The following RBM23 variants were observed in gnomAD, a reference collection of about 807,000 sequenced individuals.
RBM23 encodes the protein probable RNA-binding protein 23.
In RBM23, 53 loss-of-function variants were observed where a neutral mutation model predicts 56.2. The ratio of observed to expected loss-of-function variants is 0.94; its 90% confidence interval spans 0.76 to 1.19. RBM23 has a LOEUF of 1.19. Among genes scored for constraint, RBM23 ranks in the 50% most tolerant of loss-of-function variants. RBM23 has a pLI of 0.00. For synonymous variants in RBM23, 197 were observed against 198.5 expected, an observed-to-expected ratio of 0.99 and a Z score of 0.06; for missense variants, 642 against 590.3, an observed-to-expected ratio of 1.09 and a Z score of -0.91.
chr14:22,919,047 G>A lies in RBM23; in HGVS notation c.-59C>T, dbSNP rs1338550335. The A allele has an allele frequency of 6.6e-6, 1 of 152,158 alleles. No individual in the cohort carries two copies. Among genetic ancestry groups the A allele is most frequent in the Non-Finnish European group, 1.5e-5 (1 of 68,052 alleles). The allele number at this position is 152,158 out of a possible 1,614,324, so 9.4% of individuals were successfully genotyped here. On this transcript the variant is annotated 5_prime_UTR_variant, in exon 1 of 14. Transcript: ENST00000359890. ...GTCCCGGTTCTCTCCGTTCCTTTGA[G>A]TATGTTGTGGGGAGTGGAGCTCGGA...
Position 22,910,151 on chromosome 14 carries a change from C to CAAAAAAAAAAAAAAAAAAAAAA in RBM23, c.67-578_67-557dup, listed in dbSNP as rs532892000. ...TGGGCAGCCTAGTGAGACTCTGTCT[C>CAAAAAAAAAAAAAAAAAAAAAA]AAAAAAAAAAAAAAAAAAAAAAAAA... On this transcript the variant is annotated intron_variant, in intron 2 of 13. Coordinates refer to ENST00000359890, the MANE Select transcript of RBM23 (RefSeq NM_001077351.2). 8.4e-4 allele frequency among the ~76,000 whole-genome samples: 14 copies of CAAAAAAAAAAAAAAAAAAAAAA among 16,704 alleles called. 2 individuals are homozygous for CAAAAAAAAAAAAAAAAAAAAAA. The East Asian group carries it at 0.013, about 16-fold the overall frequency. The allele number at this position is 16,704 out of a possible 152,430, so 11.0% of individuals were successfully genotyped here.
At chr14:22,906,445 C>A (rs1436901793) in intron 4 of RBM23, 77 bp from the exon 5 acceptor site, 1 of 1,527,676 alleles carries the variant, frequency 6.5e-7, no homozygotes, top group Non-Finnish European at 9.0e-7. Context: ...ACAGTGGTCC[C>A]ATAAGATTAT....
At chr14:22,901,789 G>C in intron 13 of RBM23, 25 bp downstream of exon 13, 4 of 1,614,070 alleles carry the variant, frequency 2.5e-6, no homozygotes, top group Non-Finnish European at 3.4e-6. Context: ...TCAAAGGCTA[G>C]AATGAGCTAG....
At chr14:22,904,377 C>A in intron 9 of RBM23, 51 bp from the exon 10 acceptor site, 51 of 1,342,902 alleles carry the variant, frequency 3.8e-5, no homozygotes, top group Non-Finnish European at 5.0e-5. Flanking sequence ...CCCACATCTT[C>A]AATCTTTCCT....
chr14:22,914,057 T>C (rs972123576), intron 1 of RBM23: 1 of 148,408 alleles, frequency 6.7e-6, no homozygotes, highest in African/African-American at 2.5e-5. Flanking sequence ...CTGGGCATGG[T>C]GGCTCACACC....
chr14:22,902,580 T>A, intron 10 of RBM23, 198 bp from the exon 11 acceptor site: 1 of 1,295,658 alleles, frequency 7.7e-7, no homozygotes, highest in Non-Finnish European at 9.8e-7. Flanking sequence ...ATGGACTCAA[T>A]GGCAGTCACT....
At chr14:22,902,630 A>T in intron 10 of RBM23, 1 of 1,217,778 alleles carries the variant, frequency 8.2e-7, no homozygotes, top group Non-Finnish European at 1.0e-6. Flanking sequence ...AACAATGCAA[A>T]ATTTTATTAT....
chr14:22,902,524 C>T (rs2040741045), intron 10 of RBM23, 142 bp from the exon 11 acceptor site: 1 of 1,401,782 alleles, frequency 7.1e-7, no homozygotes, highest in Non-Finnish European at 9.3e-7. Flanking sequence ...AAAATATGAC[C>T]TAGGCCCATC....
chr14:22,901,791 A>G (rs2040520103), intron 13 of RBM23, 23 bp downstream of exon 13: 3 of 1,614,010 alleles, frequency 1.9e-6, no homozygotes, highest in Admixed American at 1.7e-5. Context: ...AAAGGCTAGA[A>G]TGAGCTAGAC....
intron 1 of RBM23, among the ~76,000 whole-genome samples, chr14:22,914,891 G>A (rs1035415015): frequency 6.7e-6 from 1 of 148,962 alleles, no homozygotes; most frequent in Non-Finnish European, 1.5e-5. Flanking sequence ...GCTAAGACAG[G>A]AGAATCGCTT....
chr14:22,905,667 A>C lies in RBM23; in HGVS notation c.402-8T>G, dbSNP rs1268219953. On this transcript the variant is annotated splice_polypyrimidine_tract_variant and splice_region_variant and intron_variant, in intron 5 of 13. Coordinates refer to ENST00000359890, the MANE Select transcript of RBM23 (RefSeq NM_001077351.2). Reference sequence around the variant, plus strand: ...CTGTGTCCATACCTATAACTAAAGAATAGAGAAAAACAAAAGGTGAAACCT... The same window carrying C: ...CTGTGTCCATACCTATAACTAAAGACTAGAGAAAAACAAAAGGTGAAACCT... The C allele has an allele frequency of 2.5e-6, 4 of 1,598,102 alleles. No homozygotes were observed. Among genetic ancestry groups the C allele is most frequent in the Non-Finnish European group, 3.4e-6 (4 of 1,165,488 alleles).
intron 4 of RBM23, among the ~76,000 whole-genome samples, chr14:22,907,904 A>C (rs1250327800): frequency 6.6e-6 from 1 of 152,262 alleles, no homozygotes; most frequent in Admixed American, 6.5e-5. Flanking sequence ...ATGTTTAAAA[A>C]GTAAAAGACA....
At chr14:22,915,943 A>AG (rs1367900863) in intron 1 of RBM23, among the ~76,000 whole-genome samples, 33 of 152,230 alleles carry the variant, frequency 2.2e-4, no homozygotes, top group African/African-American at 8.0e-4. Context: ...GGCCAGGCAG[A>AG]GGGGGTGGCT....
At chr14:22,902,756 CTTTTTTTTTTT>C (rs59987550) in intron 10 of RBM23, 68 of 460,878 alleles carry the variant, frequency 1.5e-4, no homozygotes, top group Admixed American at 2.2e-4. Context: ...AAGTTTTAGT[CTTTTTTTTTTT>C]TTTTTTTTTT....
chr14:22,910,502 G>T (rs191599569), intron 2 of RBM23, among the ~76,000 whole-genome samples: 1,992 of 149,174 alleles, frequency 0.013, 28 homozygotes, highest in African/African-American at 0.046. Flanking sequence ...GCGGTGGGGG[G>T]GAAAGGAAGG....
intron 1 of RBM23, 51 bp downstream of exon 1, chr14:22,918,948 A>T (rs1174175609): frequency 6.6e-6 from 1 of 152,120 alleles, no homozygotes; most frequent in Non-Finnish European, 1.5e-5. Context: ...CCGTGCAGCA[A>T]CGTCACGCAT....
chr14:22,899,678 C>T lies in RBM23; in HGVS notation c.*2052G>A, dbSNP rs2145541. ...GGCGTGAGCCAGTGCACCCAGCCTACACCTCTTTTCTTTACAAATTAGTCT... is the reference window on the plus strand; with the variant it reads ...GGCGTGAGCCAGTGCACCCAGCCTATACCTCTTTTCTTTACAAATTAGTCT... On this transcript the variant is annotated 3_prime_UTR_variant, in exon 14 of 14. Coordinates refer to ENST00000359890, the MANE Select transcript of RBM23 (RefSeq NM_001077351.2). The T allele has an allele frequency of 0.32, 48,273 of 152,130 alleles. 8,619 individuals carry two copies. Among genetic ancestry groups the T allele is most frequent in the African/African-American group, 0.48 (20,014 of 41,446 alleles). 9.4% of individuals were successfully genotyped at this position (152,130 alleles called of 1,614,324 possible). A position where few individuals can be genotyped will look rare whatever the true frequency, so the allele number is the denominator to read the frequency against.
intron 4 of RBM23, among the ~76,000 whole-genome samples, chr14:22,907,255 T>C (rs1002467681): frequency 4.6e-5 from 7 of 151,376 alleles, no homozygotes; most frequent in Non-Finnish European, 1.0e-4. Flanking sequence ...GGCAGGAGAA[T>C]CACTTGAACC....
At chr14:22,916,408 T>C (rs1270999235) in intron 1 of RBM23, among the ~76,000 whole-genome samples, 1 of 151,038 alleles carries the variant, frequency 6.6e-6, no homozygotes, top group Non-Finnish European at 1.5e-5. Flanking sequence ...AGGTGTGCAC[T>C]ATGATGCCAG....
Sources: gnomAD v4.1 joint callset for allele counts (sites outside exome capture counted in the v4.1 genomes callset) on GRCh38, gnomAD v4.1.1 for gene constraint, MANE v1.5 for transcripts, NCBI Gene and HGNC (gene_info 2026-07-23, HGNC 2026-07-21) for gene names.